PHC2: variants seen among roughly 807,000 people sequenced by gnomAD.
PHC2 encodes polyhomeotic homolog 2.
Under a neutral mutation model 87.4 loss-of-function variants are expected in PHC2, and 29 were observed. The observed-to-expected ratio is 0.33, with a 90% CI of 0.25 to 0.45. The LOEUF is 0.45. Among genes scored for constraint, PHC2 ranks in the 20% least tolerant of loss-of-function variants. The pLI, the probability that PHC2 is intolerant of heterozygous loss-of-function variation, is 1.00. For missense variants in PHC2, 857 were observed against 1,136.7 expected, an observed-to-expected ratio of 0.75 and a Z score of 3.54; for synonymous variants, 438 against 461.7, an observed-to-expected ratio of 0.95 and a Z score of 0.66.
intron 1 of PHC2, 77 bp from the exon 2 acceptor site, chr1:33,375,670 C>T: frequency 1.1e-6 from 1 of 936,214 alleles, no homozygotes; most frequent in Non-Finnish European, 1.5e-6. Context: ...CCTTTTGTAT[C>T]TGTGGGTTCC....
rs1303646132 is a variant in PHC2 at position 33,331,229 on chromosome 1, C to T, written c.2006+119G>A. 2.8e-5 allele frequency: 15 copies of T among 530,874 alleles called. No individual in the cohort carries two copies. Among genetic ancestry groups the T allele is most frequent in the South Asian group, 6.3e-5 (2 of 31,734 alleles). The allele number at this position is 530,874 out of a possible 1,614,324, so 32.9% of individuals were successfully genotyped here. ...GATGCCATCCTGCTTCCAGGTGGGT[C>T]GAGGAACTAGGAAACTGGAGAAGCC... On this transcript the variant is annotated intron_variant, in intron 12 of 14. Transcript: ENST00000683057. This position sits in a 1 kb window ranked among gnomAD's most constrained non-coding sequence, Gnocchi z 5.2.
Position 33,334,148 on chromosome 1 carries a change from T to G in PHC2, c.1703A>C (p.Gln568Pro). 6.2e-7 allele frequency: 1 copy of G among 1,613,962 alleles called. No homozygotes were observed. The highest frequency in any genetic ancestry group is 8.5e-7 in the Non-Finnish European group (1 of 1,179,974). Reference protein sequence around the residue: ...NKPPQAIVKPQILTHVIEGFV... With the variant: ...NKPPQAIVKPPILTHVIEGFV... ...CCCTTCGATAACATGCGTCAGGATT[T>G]GGGGTTTCACAATGGCCTGTGGTGG... The change falls in exon 10 of 15, where the codon CAA becomes CCA. Residue 568 changes from glutamine (Q) to proline (P), a missense_variant. Physicochemically the swap from Gln to Pro is moderately conservative, Grantham distance 76. This residue lies in a region of PHC2 where 832 missense variants were observed against 1,081.8 expected (regional missense o/e 0.77). Transcript: ENST00000683057. This position sits in a 1 kb window ranked among gnomAD's most constrained non-coding sequence, Gnocchi z 5.5.
chr1:33,416,341 G>A (rs1294413860), intron 1 of PHC2, among the ~76,000 whole-genome samples: 1 of 151,782 alleles, frequency 6.6e-6, no homozygotes, highest in South Asian at 2.1e-4. Flanking sequence ...GCTGAGGCGG[G>A]TGGATCACGA....
At chr1:33,422,770 G>A (rs1464440601) in intron 1 of PHC2, among the ~76,000 whole-genome samples, 3 of 151,946 alleles carry the variant, frequency 2.0e-5, no homozygotes, top group African/African-American at 7.3e-5. Context: ...CTTACTAGGC[G>A]GAATGGAAAA....
At chr1:33,386,673 A>G (rs960300273) in intron 1 of PHC2, among the ~76,000 whole-genome samples, 2 of 152,066 alleles carry the variant, frequency 1.3e-5, no homozygotes, top group Non-Finnish European at 2.9e-5. Context: ...TAAAAACAAA[A>G]TCTCTCCATA....
intron 9 of PHC2, among the ~76,000 whole-genome samples, chr1:33,343,544 C>A (rs566971733): frequency 6.6e-6 from 1 of 151,258 alleles, no homozygotes; most frequent in East Asian, 2.0e-4. Flanking sequence ...CTCTAGGCCT[C>A]TTTCCTCATC....
In PHC2 at chr1:33,364,435, C is replaced by T. The variant is rs111652230; in HGVS notation, c.976+2681G>A. 1.3e-3 allele frequency among the ~76,000 whole-genome samples: 198 copies of T among 151,784 alleles called. 2 individuals carry two copies. Among genetic ancestry groups the T allele is most frequent in the African/African-American group, 4.5e-3 (185 of 41,292 alleles). Reference sequence around the variant, plus strand: ...ACACACACACACACACGCTCAAGCACGCTCTTCTCTCCTGCTCTCAGATCC... The same window carrying T: ...ACACACACACACACACGCTCAAGCATGCTCTTCTCTCCTGCTCTCAGATCC... On this transcript the variant is annotated intron_variant, in intron 7 of 14. Coordinates refer to ENST00000683057, the MANE Select transcript of PHC2 (RefSeq NM_001385109.1). This position sits in a 1 kb window ranked among gnomAD's most constrained non-coding sequence, Gnocchi z 4.1.
At chr1:33,350,543 TAC>T (rs1491137117) in intron 9 of PHC2, 2 of 152,260 alleles carry the variant, frequency 1.3e-5, no homozygotes, top group Non-Finnish European at 2.9e-5. Flanking sequence ...GCTGCGGGGG[TAC>T]AGAGACGTGC....
chr1:33,379,832 C>T (rs1467008027), intron 1 of PHC2, among the ~76,000 whole-genome samples: 1 of 137,812 alleles, frequency 7.3e-6, no homozygotes, highest in East Asian at 2.3e-4. Flanking sequence ...CTTCTTGCTG[C>T]CTCCTGGGCT....
At chr1:33,401,809 T>C (rs961649340) in intron 1 of PHC2, among the ~76,000 whole-genome samples, 10 of 152,234 alleles carry the variant, frequency 6.6e-5, no homozygotes, top group South Asian at 4.1e-4. Flanking sequence ...GGCATCCACA[T>C]AGAAAAATGA....
intron 9 of PHC2, among the ~76,000 whole-genome samples, chr1:33,342,297 T>G (rs1462060526): frequency 6.6e-6 from 1 of 152,236 alleles, no homozygotes; most frequent in Non-Finnish European, 1.5e-5. Flanking sequence ...CAGCTCCCGT[T>G]AAGGCATCTG....
In PHC2 at chr1:33,372,466, G is replaced by C; in HGVS notation, c.175-19C>G. ...GGATCACCTGAGAAGGGAGGGAGGG[G>C]GAAGAGCCAGGCTGGTAGCTGCCAC... On this transcript the variant is annotated intron_variant, in intron 2 of 14. Transcript: ENST00000683057. The C allele has an allele frequency of 6.6e-7, 1 of 1,518,966 alleles. No individual in the cohort carries two copies. Among genetic ancestry groups the C allele is most frequent in the Non-Finnish European group, 8.9e-7 (1 of 1,127,278 alleles). The allele number at this position is 1,518,966 out of a possible 1,614,324, so 94.1% of individuals were successfully genotyped here. A position where few individuals can be genotyped will look rare whatever the true frequency, so the allele number is the denominator to read the frequency against.
chr1:33,339,720 T>C (rs1485570044), intron 9 of PHC2, among the ~76,000 whole-genome samples: 2 of 152,230 alleles, frequency 1.3e-5, no homozygotes, highest in African/African-American at 4.8e-5. Flanking sequence ...TGCTGATGTT[T>C]TGTTTTGTTA....
At chr1:33,427,184 G>T (rs891788112) in intron 1 of PHC2, among the ~76,000 whole-genome samples, 2 of 152,232 alleles carry the variant, frequency 1.3e-5, no homozygotes, top group East Asian at 3.9e-4. Flanking sequence ...ATCTGGTGCT[G>T]GGAAGATTAA....
chr1:33,332,528 C>A lies in PHC2; in HGVS notation c.1762-124G>T. The stretch of plus-strand genomic sequence containing the variant: ...AGAGGCCAGCCCTCCTCAAACCTTC[C>A]CCCATGTCATCATCCAAGTGTGCTG... On this transcript the variant is annotated intron_variant, in intron 10 of 14. Coordinates refer to ENST00000683057, the MANE Select transcript of PHC2 (RefSeq NM_001385109.1). This position sits in a 1 kb window ranked among gnomAD's most constrained non-coding sequence, Gnocchi z 4.2. The A allele has an allele frequency of 8.7e-7, 1 of 1,146,482 alleles. No homozygotes were observed. Among genetic ancestry groups the A allele is most frequent in the Admixed American group, 1.9e-5 (1 of 52,670 alleles). 71.0% of individuals were successfully genotyped at this position (1,146,482 alleles called of 1,614,324 possible).
intron 9 of PHC2, chr1:33,350,561 GAC>G (rs1006417019): frequency 7.2e-5 from 11 of 152,358 alleles, no homozygotes; most frequent in African/African-American, 2.7e-4. Context: ...CGTGCAGCGT[GAC>G]ACAGTCCCCA....
At chr1:33,399,804 A>G (rs1649445642) in intron 1 of PHC2, among the ~76,000 whole-genome samples, 1 of 152,170 alleles carries the variant, frequency 6.6e-6, no homozygotes, top group South Asian at 2.1e-4. Flanking sequence ...TGCTCAAGAG[A>G]CTGGCGGGGG....
intron 6 of PHC2, among the ~76,000 whole-genome samples, chr1:33,367,919 A>G (rs1460170382): frequency 6.6e-6 from 1 of 152,214 alleles, no homozygotes; most frequent in Non-Finnish European, 1.5e-5. Context: ...GACGGCCGGC[A>G]TGCTTACTCA....
intron 2 of PHC2, among the ~76,000 whole-genome samples, chr1:33,373,995 C>T (rs1316520154): frequency 6.6e-6 from 1 of 152,186 alleles, no homozygotes; most frequent in African/African-American, 2.4e-5. Context: ...CCCAACTCTT[C>T]CACATGTTGC....
Sources: gnomAD v4.1 joint callset for allele counts (sites outside exome capture counted in the v4.1 genomes callset) on GRCh38, gnomAD v4.1.1 for gene constraint, gnomAD v4.1.1 regional missense constraint, Gnocchi (gnomAD v3.1) non-coding constraint, MANE v1.5 for transcripts, NCBI Gene and HGNC (gene_info 2026-07-23, HGNC 2026-07-21) for gene names.